Variants in SAFB observed in about 807,000 individuals in gnomAD.
The protein encoded by SAFB is scaffold attachment factor B1.
Under a neutral mutation model 101.6 loss-of-function variants are expected in SAFB, and 15 were observed. The observed-to-expected ratio is 0.15, with a 90% CI of 0.10 to 0.23. The LOEUF (loss-of-function observed/expected upper bound fraction) is 0.23, where lower values mean the gene tolerates loss of function less well. Ranked by LOEUF, SAFB falls within the 10% of genes least tolerant of loss-of-function variation. SAFB has a pLI of 1.00. For missense variants in SAFB, 930 were observed against 1,104.1 expected (o/e 0.84, Z 2.23); for synonymous variants, 449 against 407.5 (o/e 1.10, Z -1.23).
At chr19:5,664,660 C>T in intron 17 of SAFB, 1 of 500,534 alleles carries the variant, frequency 2.0e-6, no homozygotes, top group Non-Finnish European at 3.6e-6. Flanking sequence ...CTGTTTTTAG[C>T]CTTGACCCTG....
At chr19:5,654,734 C>T (rs1002054340) in intron 13 of SAFB, among the ~76,000 whole-genome samples, 5 of 152,104 alleles carry the variant, frequency 3.3e-5, no homozygotes, top group Non-Finnish European at 7.4e-5. Flanking sequence ...CAGGCGCACA[C>T]CATTATCTTT....
chr19:5,626,539 C>G, intron 2 of SAFB, 50 bp downstream of exon 2: 1 of 1,063,854 alleles, frequency 9.4e-7, no homozygotes, highest in Admixed American at 1.8e-5. Context: ...TTCTTCAAAA[C>G]GAATACATTG....
chr19:5,659,232 G>C (rs995153131), intron 14 of SAFB, among the ~76,000 whole-genome samples: 1 of 151,968 alleles, frequency 6.6e-6, no homozygotes, highest in Non-Finnish European at 1.5e-5. Flanking sequence ...TTGAACCCAG[G>C]GGGTGGAGGT....
intron 6 of SAFB, chr19:5,648,503 T>A (rs1384339043): frequency 7.1e-6 from 2 of 281,856 alleles, no homozygotes; most frequent in African/African-American, 4.5e-5. Flanking sequence ...GGAAAGAGTG[T>A]CTTCATGAGA....
chr19:5,638,677 G>A (rs1366618365), intron 2 of SAFB, among the ~76,000 whole-genome samples: 1 of 137,246 alleles, frequency 7.3e-6, no homozygotes, highest in Non-Finnish European at 1.6e-5. Flanking sequence ...CCTTCCAATC[G>A]TTTTTTAGTT....
chr19:5,642,677 T>TTC (rs1162835303), intron 4 of SAFB, among the ~76,000 whole-genome samples: 7 of 140,158 alleles, frequency 5.0e-5, no homozygotes, highest in African/African-American at 8.0e-5. Flanking sequence ...TTTTTTTTTT[T>TTC]CTGAGACAGA....
At chr19:5,626,379 C>T in intron 1 of SAFB, 26 bp from the exon 2 acceptor site, 1 of 1,397,318 alleles carries the variant, frequency 7.2e-7, no homozygotes, top group Non-Finnish European at 1.0e-6. Flanking sequence ...CTTTTTGGAT[C>T]AACTTTACTT....
rs978722624 is a variant in SAFB at position 5,667,588 on chromosome 19, C to A, written c.2557+138C>A. ...AATGAGGAATGAAGAGCACTCCAGA[C>A]ACCGCCTGCTCTCTGGTGGTCTGGC... On this transcript the variant is annotated intron_variant, in intron 19 of 20. Coordinates refer to ENST00000588852, the MANE Select transcript of SAFB (RefSeq NM_001201338.2). The surrounding 1 kb of genome is among the most constrained non-coding windows in gnomAD (Gnocchi z 4.0). The A allele has an allele frequency of 1.0e-4, 73 of 717,550 alleles. No homozygotes were observed. The highest frequency in any genetic ancestry group is 1.6e-4 in the Non-Finnish European group (66 of 425,544). The allele number at this position is 717,550 out of a possible 1,614,324, so 44.4% of individuals were successfully genotyped here.
intron 7 of SAFB, 50 bp from the exon 8 acceptor site, chr19:5,649,876 G>T: frequency 1.9e-6 from 3 of 1,544,462 alleles, no homozygotes; most frequent in Non-Finnish European, 2.7e-6. Context: ...TTTTGAGTTT[G>T]TTTCCTCCAT....
chr19:5,656,389 C>T (rs918679202), intron 13 of SAFB, among the ~76,000 whole-genome samples: 4 of 151,938 alleles, frequency 2.6e-5, no homozygotes, highest in Non-Finnish European at 4.4e-5. Context: ...GATTCTCCTG[C>T]CTCACCCTCT....
At chr19:5,643,917 C>A (rs2053772958) in intron 4 of SAFB, among the ~76,000 whole-genome samples, 1 of 151,782 alleles carries the variant, frequency 6.6e-6, no homozygotes, top group South Asian at 2.1e-4. Flanking sequence ...TTCTGTGTGT[C>A]CCTGGACAAA....
chr19:5,641,630 G>C lies in SAFB; in HGVS notation c.311G>C (p.Gly104Ala). ...KPEEEGVEDN[G>A]LEENSGDGQE... ...GAAGAAGAGGGTGTGGAAGATAACG[G>C]GCTGGAGGAAAACTCTGGGGATGGA... Residue 104 changes from glycine (G) to alanine (A), a missense_variant, in exon 3 of 21, where the codon GGG becomes GCG. Transcript: ENST00000588852. The C allele has an allele frequency of 1.2e-6, 2 of 1,614,074 alleles. No homozygotes were observed. Among genetic ancestry groups the C allele is most frequent in the Non-Finnish European group, 1.7e-6 (2 of 1,180,028 alleles).
chr19:5,667,986 C>A lies in SAFB; in HGVS notation c.2624+100C>A. On this transcript the variant is annotated intron_variant, in intron 20 of 20. Coordinates refer to ENST00000588852, the MANE Select transcript of SAFB (RefSeq NM_001201338.2). The surrounding 1 kb of genome is among the most constrained non-coding windows in gnomAD (Gnocchi z 4.0). ...AAGTCCTTCCAGCTAGTGCCCCTCCCCCCAAGGGTGACGTGAGGCCAGGCA... is the reference window on the plus strand; with the variant it reads ...AAGTCCTTCCAGCTAGTGCCCCTCCACCCAAGGGTGACGTGAGGCCAGGCA... 7.0e-7 allele frequency: 1 copy of A among 1,437,012 alleles called. No homozygotes were observed. Among genetic ancestry groups the A allele is most frequent in the Non-Finnish European group, 9.4e-7 (1 of 1,058,512 alleles). The allele number at this position is 1,437,012 out of a possible 1,614,324, so 89.0% of individuals were successfully genotyped here. A position where few individuals can be genotyped will look rare whatever the true frequency, so the allele number is the denominator to read the frequency against.
intron 14 of SAFB, 146 bp downstream of exon 14, chr19:5,657,493 T>TTTAAC: frequency 1.7e-6 from 1 of 592,296 alleles, no homozygotes; most frequent in Non-Finnish European, 3.0e-6. Flanking sequence ...AGACTTGTTA[T>TTTAAC]GTTTTAACTT....
intron 15 of SAFB, among the ~76,000 whole-genome samples, chr19:5,663,437 G>C (rs372025235): frequency 1.5e-4 from 23 of 152,360 alleles, no homozygotes; most frequent in African/African-American, 5.1e-4. Flanking sequence ...CTGCAACCTG[G>C]CAAAAATTGC....
chr19:5,667,747 A>G lies in SAFB; in HGVS notation c.2558-73A>G. ...CTGGGGGCCTCACCAAAGGGAGTGG[A>G]GTGGGCTAAATGTGCCGTGGGTTCC... On this transcript the variant is annotated intron_variant, in intron 19 of 20. Transcript: ENST00000588852. This position sits in a 1 kb window ranked among gnomAD's most constrained non-coding sequence, Gnocchi z 4.0. 6.8e-7 allele frequency: 1 copy of G among 1,471,368 alleles called. No homozygotes were observed. Among genetic ancestry groups the G allele is most frequent in the South Asian group, 1.2e-5 (1 of 86,588 alleles). The allele number at this position is 1,471,368 out of a possible 1,614,324, so 91.1% of individuals were successfully genotyped here.
intron 15 of SAFB, among the ~76,000 whole-genome samples, chr19:5,663,270 G>C (rs534100686): frequency 1.3e-5 from 2 of 152,174 alleles, no homozygotes; most frequent in African/African-American, 4.8e-5. Context: ...CAAAGTGCTG[G>C]GATTACAGGC....
At chr19:5,652,589 G>A (rs990699370) in intron 9 of SAFB, among the ~76,000 whole-genome samples, 4 of 152,146 alleles carry the variant, frequency 2.6e-5, no homozygotes, top group Non-Finnish European at 5.9e-5. Flanking sequence ...TGCTGGAGTC[G>A]AGAAAACCAG....
chr19:5,625,715 C>T (rs1251837825), intron 1 of SAFB, among the ~76,000 whole-genome samples: 1 of 152,058 alleles, frequency 6.6e-6, no homozygotes, highest in Non-Finnish European at 1.5e-5. Context: ...GTGACAGAGT[C>T]CTGGGGTGGG....
Sources: gnomAD v4.1 joint callset for allele counts (sites outside exome capture counted in the v4.1 genomes callset) on GRCh38, gnomAD v4.1.1 for gene constraint, Gnocchi (gnomAD v3.1) non-coding constraint, MANE v1.5 for transcripts, NCBI Gene and HGNC (gene_info 2026-07-23, HGNC 2026-07-21) for gene names.